BICRAL: variants seen among roughly 807,000 people sequenced by gnomAD.
The protein encoded by BICRAL is BRD4-interacting chromatin-remodeling complex-associated protein-like.
Under a neutral mutation model 91.8 loss-of-function variants are expected in BICRAL, and 8 were observed. The ratio of observed to expected loss-of-function variants is 0.09; its 90% CI spans 0.05 to 0.16. The LOEUF (loss-of-function observed/expected upper bound fraction) is 0.16, where lower values mean the gene tolerates loss of function less well. BICRAL is among the 10% of genes least tolerant of loss of function. The pLI is 1.00. For missense variants in BICRAL, 1,038 were observed against 1,310.9 expected (o/e 0.79, Z 3.21); for synonymous variants, 445 against 491.1 (o/e 0.91, Z 1.24).
At chr6:42,750,898 TTTTTTTTTTTA>T (rs1227343277) in intron 1 of BICRAL, among the ~76,000 whole-genome samples, 14 of 81,394 alleles carry the variant, frequency 1.7e-4, no homozygotes, top group East Asian at 1.1e-3. Flanking sequence ...TTTTTTTTTT[TTTTTTTTTTTA>T]ATACTTTAAG....
chr6:42,794,562 T>C (rs1344869689), intron 1 of BICRAL, among the ~76,000 whole-genome samples: 1 of 152,058 alleles, frequency 6.6e-6, no homozygotes, highest in Non-Finnish European at 1.5e-5. Flanking sequence ...GGCTCTATTT[T>C]ATATATTTTA....
intron 1 of BICRAL, among the ~76,000 whole-genome samples, chr6:42,766,900 C>T (rs1270568922): frequency 6.6e-6 from 1 of 152,030 alleles, no homozygotes; most frequent in African/African-American, 2.4e-5. Flanking sequence ...ATTAGCCGGG[C>T]GTGGTGGCAG....
At chr6:42,760,376 G>T (rs1407026877) in intron 1 of BICRAL, among the ~76,000 whole-genome samples, 1 of 138,698 alleles carries the variant, frequency 7.2e-6, no homozygotes, top group Non-Finnish European at 1.6e-5. Context: ...AAAAAAAAAA[G>T]TGGGTCAGGG....
At chr6:42,862,779 TCTC>T (rs1230088285) in intron 12 of BICRAL, among the ~76,000 whole-genome samples, 167 bp downstream of exon 12, 1 of 152,176 alleles carries the variant, frequency 6.6e-6, no homozygotes, top group African/African-American at 2.4e-5. Context: ...TCTACTTCCT[TCTC>T]CTCTTTGGCC....
rs766180328 is a variant in BICRAL at position 42,829,496 on chromosome 6, A to G, written c.1163A>G (p.His388Arg). The change falls in exon 6 of 13, where the codon CAT (histidine) becomes CGT (arginine). Residue 388 changes from histidine to arginine, a missense_variant. Transcript: ENST00000314073. ...VSSTGGSIVI[H>R]SPMGQPHAPQ... is the part of the protein sequence containing the mutation. The stretch of plus-strand genomic sequence containing the variant: ...AGCACTGGGGGCAGTATTGTTATTC[A>G]TTCCCCCATGGGCCAACCTCACGCA... 4 of 1,614,074 alleles carry G rather than the reference A, an allele frequency of 2.5e-6. No individual in the cohort carries two copies. The highest frequency in any genetic ancestry group is 2.2e-5 in the East Asian group (1 of 44,870).
At chr6:42,782,682 T>C (rs1762953532) in intron 1 of BICRAL, among the ~76,000 whole-genome samples, 1 of 149,358 alleles carries the variant, frequency 6.7e-6, no homozygotes, top group Non-Finnish European at 1.5e-5. Context: ...AATGACTCAT[T>C]GATTGAGCCG....
At chr6:42,779,396 C>G (rs896428393), upstream of BICRAL, among the ~76,000 whole-genome samples, 1 of 152,032 alleles carries the variant, frequency 6.6e-6, no homozygotes. Context: ...ACATCCCAGC[C>G]AATCCAAAGG....
intron 1 of BICRAL, among the ~76,000 whole-genome samples, chr6:42,807,975 G>T (rs542449193): frequency 1.3e-5 from 2 of 152,074 alleles, no homozygotes; most frequent in African/African-American, 4.8e-5. Flanking sequence ...ATTAGGCAAG[G>T]TCTTTGGGAG....
At chr6:42,775,245 C>T (rs965478033) in intron 1 of BICRAL, among the ~76,000 whole-genome samples, 2 of 152,148 alleles carry the variant, frequency 1.3e-5, no homozygotes, top group African/African-American at 4.8e-5. Flanking sequence ...AGAGTAGTTC[C>T]TTCTTCAGAT....
intron 1 of BICRAL, among the ~76,000 whole-genome samples, chr6:42,796,473 G>T (rs2113889664): frequency 6.6e-6 from 1 of 152,276 alleles, no homozygotes. Context: ...GAACATTACG[G>T]GTGTTCACAG....
chr6:42,807,857 G>T (rs1763752865), intron 1 of BICRAL, among the ~76,000 whole-genome samples: 2 of 151,646 alleles, frequency 1.3e-5, no homozygotes, highest in Admixed American at 6.6e-5. Context: ...TTAACAGAAT[G>T]ATATATTTAT....
intron 1 of BICRAL, among the ~76,000 whole-genome samples, chr6:42,750,683 C>T (rs1159378067): frequency 6.6e-6 from 1 of 151,944 alleles, no homozygotes; most frequent in Non-Finnish European, 1.5e-5. Context: ...TCAAGTGATT[C>T]TCATGCCTCA....
rs566414328 is a variant in BICRAL at position 42,805,294 on chromosome 6, G to A, written c.-101-5012G>A. ...GGAAAGTGCATCATTGTGTTTGGAG[G>A]CTAGGAGAGTGGCAGTGGGCTAGAA... On this transcript the variant is annotated intron_variant, in intron 1 of 12. Coordinates refer to ENST00000314073, the MANE Select transcript of BICRAL (RefSeq NM_001393499.1). 7.4e-4 allele frequency among the ~76,000 whole-genome samples: 112 copies of A among 152,308 alleles called. 1 individual carries two copies. The Middle Eastern group carries it at 0.014, about 19-fold the overall frequency.
At chr6:42,751,645 C>G (rs1010469275) in intron 1 of BICRAL, among the ~76,000 whole-genome samples, 1 of 140,624 alleles carries the variant, frequency 7.1e-6, no homozygotes, top group South Asian at 2.2e-4. Context: ...GACCCTTTTT[C>G]TTTCTTTTCT....
At chr6:42,824,498 C>A (rs1285262340) in intron 5 of BICRAL, among the ~76,000 whole-genome samples, 1 of 152,070 alleles carries the variant, frequency 6.6e-6, no homozygotes, top group Non-Finnish European at 1.5e-5. Context: ...GTACCCACCA[C>A]CACACCAGCT....
intron 6 of BICRAL, among the ~76,000 whole-genome samples, chr6:42,844,928 A>G (rs1474453912): frequency 6.6e-6 from 1 of 152,134 alleles, no homozygotes; most frequent in Non-Finnish European, 1.5e-5. Context: ...GAAGGTGGGA[A>G]AGGGTAAGAT....
At chr6:42,814,095 ATT>A (rs1387664306) in intron 2 of BICRAL, among the ~76,000 whole-genome samples, 4 of 151,910 alleles carry the variant, frequency 2.6e-5, no homozygotes, top group Admixed American at 2.6e-4. Context: ...TCTCTCAATA[ATT>A]TGCTAACCTC....
intron 1 of BICRAL, among the ~76,000 whole-genome samples, chr6:42,765,532 G>C (rs917454558): frequency 1.3e-5 from 2 of 152,138 alleles, no homozygotes; most frequent in East Asian, 1.9e-4. Context: ...ATTTTTTTCT[G>C]TTCTTTGTCT....
intron 1 of BICRAL, among the ~76,000 whole-genome samples, chr6:42,770,459 G>A (rs1223249342): frequency 7.0e-6 from 1 of 141,886 alleles, no homozygotes; most frequent in Non-Finnish European, 1.5e-5. Flanking sequence ...ATATTGCCCA[G>A]ACTGGAGTGC....
Sources: gnomAD v4.1 joint callset for allele counts (sites outside exome capture counted in the v4.1 genomes callset) on GRCh38, gnomAD v4.1.1 for gene constraint, MANE v1.5 for transcripts, NCBI Gene and HGNC (gene_info 2026-07-23, HGNC 2026-07-21) for gene names.